ZC3H12C: variants seen among roughly 807,000 people sequenced by gnomAD.
ZC3H12C encodes zinc finger CCCH-type containing 12C.
ZC3H12C carries 20 observed loss-of-function variants against 76.3 expected under a neutral mutation model. The observed-to-expected ratio is 0.26, with a 90% confidence interval of 0.18 to 0.38. The LOEUF is 0.38. Ranked by LOEUF, ZC3H12C falls within the 10% of genes least tolerant of loss-of-function variation. The pLI is 1.00. For synonymous variants in ZC3H12C, 352 were observed against 399.6 expected (o/e 0.88, Z 1.42); for missense variants, 874 against 1,086.5 (o/e 0.80, Z 2.75).
rs1030567129 is a variant in ZC3H12C, at chr11:110,145,601, GGGC to G, written c.774-7315_774-7313del. ...CTCTACAACAAATTACAGAAATTGG[GGGC>G]GGGGGGGAGTTGCAGTGACTCTAGT... On this transcript the variant is annotated intron_variant, in intron 2 of 5. Transcript: ENST00000278590. Among the ~76,000 whole-genome samples, 13 of 149,918 alleles carry G rather than the reference GGGC, an allele frequency of 8.7e-5. No homozygotes were observed. In the South Asian group the frequency reaches 1.9e-3, roughly 22 times the overall value.
intron 1 of ZC3H12C, among the ~76,000 whole-genome samples, chr11:110,116,127 A>G (rs891640317): frequency 3.3e-5 from 5 of 152,080 alleles, no homozygotes; most frequent in Admixed American, 2.0e-4. Flanking sequence ...TCTTCTAATT[A>G]AACTTCAGTT....
chr11:110,105,495 C>T (rs1019314520), intron 1 of ZC3H12C, among the ~76,000 whole-genome samples: 4 of 152,010 alleles, frequency 2.6e-5, no homozygotes, highest in African/African-American at 7.3e-5. Context: ...AACTACATTT[C>T]TATTACTTTG....
At position 110,166,989 on chromosome 11, in the gene ZC3H12C, A is replaced by G. The variant is rs1275202583; in HGVS notation, c.*1252A>G. On this transcript the variant is annotated 3_prime_UTR_variant, in exon 6 of 6. Transcript: ENST00000278590. ...TTAGATACAGACTAAGGTCTGTTCT[A>G]GTATTAGTAAGGGATATTTCTGGTT... 2 of 152,226 alleles carry G rather than the reference A, an allele frequency of 1.3e-5. No homozygotes were observed. Among genetic ancestry groups the G allele is most frequent in the Admixed American group, 6.5e-5 (1 of 15,282 alleles). The allele number at this position is 152,226 out of a possible 1,614,324, so 9.4% of individuals were successfully genotyped here. A position where few individuals can be genotyped will look rare whatever the true frequency, so the allele number is the denominator to read the frequency against.
At chr11:110,108,153 A>T (rs1349890904) in intron 1 of ZC3H12C, among the ~76,000 whole-genome samples, 1 of 151,740 alleles carries the variant, frequency 6.6e-6, no homozygotes, top group East Asian at 1.9e-4. Flanking sequence ...ATGAGGTCTC[A>T]GTGTGTTACC....
chr11:110,103,623 T>TG (rs1364610111), intron 1 of ZC3H12C, among the ~76,000 whole-genome samples: 1 of 152,108 alleles, frequency 6.6e-6, no homozygotes, highest in Non-Finnish European at 1.5e-5. Context: ...GTTTTTTTTT[T>TG]GAGACAGAGT....
intron 1 of ZC3H12C, among the ~76,000 whole-genome samples, chr11:110,110,518 T>C (rs566011936): frequency 1.2e-4 from 19 of 152,292 alleles, no homozygotes; most frequent in African/African-American, 4.3e-4. Flanking sequence ...AACTCCTCTT[T>C]CCTGTCCTGC....
chr11:110,160,905 C>T (rs1591486781), intron 4 of ZC3H12C, among the ~76,000 whole-genome samples: 1 of 152,124 alleles, frequency 6.6e-6, no homozygotes. Flanking sequence ...GGTGCCACCT[C>T]AGCTCACTGC....
chr11:110,106,629 C>A (rs1861334631), intron 1 of ZC3H12C, among the ~76,000 whole-genome samples: 2 of 152,144 alleles, frequency 1.3e-5, no homozygotes, highest in Admixed American at 1.3e-4. Context: ...TATCGAAGCA[C>A]TTAAATTCTT....
intron 1 of ZC3H12C, among the ~76,000 whole-genome samples, chr11:110,103,133 A>T (rs900471984): frequency 6.6e-6 from 1 of 152,198 alleles, no homozygotes. Flanking sequence ...TGAGTAAGAG[A>T]TGGTTACAAT....
chr11:110,160,651 A>C (rs1862462857), intron 4 of ZC3H12C, among the ~76,000 whole-genome samples: 1 of 152,182 alleles, frequency 6.6e-6, no homozygotes, highest in South Asian at 2.1e-4. Flanking sequence ...GGGCAGTACT[A>C]TGCGTGGAGC....
rs1407031947 is a variant in ZC3H12C at position 110,168,393 on chromosome 11, A to G, written c.*2656A>G. 6.6e-6 allele frequency: 1 copy of G among 152,154 alleles called. No individual in the cohort carries two copies. Among genetic ancestry groups the G allele is most frequent in the Non-Finnish European group, 1.5e-5 (1 of 67,984 alleles). The allele number at this position is 152,154 out of a possible 1,614,324, so 9.4% of individuals were successfully genotyped here. On this transcript the variant is annotated 3_prime_UTR_variant, in exon 6 of 6. Coordinates refer to ENST00000278590, the MANE Select transcript of ZC3H12C (RefSeq NM_033390.2). ...ATAATTGGCAGACTTTAGGTACAGC[A>G]AATTCTTACTTATCTAAAGCAATAA...
intron 1 of ZC3H12C, among the ~76,000 whole-genome samples, chr11:110,115,333 C>T (rs773536204): frequency 9.2e-5 from 14 of 152,174 alleles, no homozygotes; most frequent in South Asian, 2.1e-4. Context: ...GACAGAGTCT[C>T]GCTCTATCAC....
intron 1 of ZC3H12C, among the ~76,000 whole-genome samples, chr11:110,107,907 C>T (rs1861360572): frequency 6.6e-6 from 1 of 152,152 alleles, no homozygotes; most frequent in Admixed American, 6.5e-5. Context: ...AAGCAATCTG[C>T]CTGCCTTGGC....
intron 1 of ZC3H12C, among the ~76,000 whole-genome samples, chr11:110,114,267 T>C (rs1055491878): frequency 2.0e-5 from 3 of 152,158 alleles, no homozygotes; most frequent in Non-Finnish European, 2.9e-5. Context: ...ACATATACCA[T>C]AGGGAATATA....
chr11:110,136,563 A>T, intron 1 of ZC3H12C, 100 bp from the exon 2 acceptor site: 1 of 1,299,678 alleles, frequency 7.7e-7, no homozygotes, highest in South Asian at 1.5e-5. Context: ...ACAAAATACA[A>T]AGTATTTTGA....
chr11:110,120,535 A>G (rs959432722), intron 1 of ZC3H12C, among the ~76,000 whole-genome samples: 4 of 152,240 alleles, frequency 2.6e-5, no homozygotes, highest in African/African-American at 9.6e-5. Flanking sequence ...TTACAAAGAC[A>G]TGAAACACTA....
chr11:110,108,316 T>G (rs1861368704), intron 1 of ZC3H12C, among the ~76,000 whole-genome samples: 1 of 152,206 alleles, frequency 6.6e-6, no homozygotes, highest in South Asian at 2.1e-4. Flanking sequence ...TAGATATCTT[T>G]GCAAGAGCAC....
chr11:110,146,863 AT>A (rs1409019674), intron 2 of ZC3H12C, among the ~76,000 whole-genome samples: 2 of 152,210 alleles, frequency 1.3e-5, no homozygotes, highest in Non-Finnish European at 2.9e-5. Flanking sequence ...CAAGGCTGCC[AT>A]AAAAGTAGAG....
At chr11:110,158,231 C>T (rs1219234821) in intron 3 of ZC3H12C, among the ~76,000 whole-genome samples, 5 of 152,100 alleles carry the variant, frequency 3.3e-5, no homozygotes, top group Middle Eastern at 3.2e-3. Context: ...GCCAACCAGC[C>T]GGGCACGGTG....
Sources: allele counts gnomAD v4.1 joint callset (sites outside exome capture counted in the v4.1 genomes callset), GRCh38; gene constraint gnomAD v4.1.1; transcripts MANE v1.5; gene names NCBI Gene and HGNC (gene_info 2026-07-23, HGNC 2026-07-21).